The following NAA40 variants were observed in gnomAD, a reference collection of about 807,000 sequenced individuals.
The protein encoded by NAA40 is N-alpha-acetyltransferase 40.
In NAA40, 26 loss-of-function variants were observed where a neutral mutation model predicts 36.6. That is an observed-to-expected ratio of 0.71 (90% confidence interval 0.52 to 0.98). The LOEUF (loss-of-function observed/expected upper bound fraction) is 0.98. NAA40 is among the 50% of genes least tolerant of loss of function. The pLI, the probability that NAA40 is intolerant of heterozygous loss-of-function variation, is 0.00. For synonymous variants in NAA40, 129 were observed against 108.4 expected, an observed-to-expected ratio of 1.19 and a Z score of -1.18; for missense variants, 237 against 306.5, an observed-to-expected ratio of 0.77 and a Z score of 1.69.
intron 2 of NAA40, 49 bp downstream of exon 2, chr11:63,945,984 G>GT (rs1396453573): frequency 1.3e-6 from 2 of 1,552,758 alleles, no homozygotes; most frequent in African/African-American, 2.7e-5. Context: ...CTTCAGCTTG[G>GT]TTTATAATTT....
intron 5 of NAA40, 31 bp from the exon 6 acceptor site, chr11:63,952,725 G>A (rs1262615087): frequency 7.4e-6 from 12 of 1,612,592 alleles, no homozygotes; most frequent in African/African-American, 2.7e-5. Flanking sequence ...GTCCCATCCT[G>A]CACGCTCACC....
chr11:63,946,092 T>C, intron 2 of NAA40, 157 bp downstream of exon 2: 1 of 652,668 alleles, frequency 1.5e-6, no homozygotes, highest in East Asian at 2.8e-5. Flanking sequence ...CATACCTGTG[T>C]GTTGGAAGTT....
intron 2 of NAA40, 102 bp downstream of exon 2, chr11:63,946,037 C>T (rs1942180800): frequency 1.0e-6 from 1 of 964,670 alleles, no homozygotes; most frequent in South Asian, 1.4e-5. Context: ...GTGACACTAC[C>T]CACCCACACC....
intron 3 of NAA40, among the ~76,000 whole-genome samples, chr11:63,950,415 G>A (rs937020079): frequency 3.3e-4 from 50 of 151,878 alleles, no homozygotes; most frequent in African/African-American, 1.1e-3. Flanking sequence ...CACTGCGCCC[G>A]GCCTGGAAAG....
chr11:63,951,837 T>G (rs994957161), intron 3 of NAA40, among the ~76,000 whole-genome samples: 2 of 152,154 alleles, frequency 1.3e-5, no homozygotes, highest in Non-Finnish European at 2.9e-5. Flanking sequence ...GCTCAGAAAT[T>G]ACAGCAACAG....
intron 6 of NAA40, among the ~76,000 whole-genome samples, chr11:63,953,064 T>TTG (rs386373981): frequency 1.1e-4 from 16 of 150,942 alleles, no homozygotes; most frequent in African/African-American, 3.4e-4. Context: ...TTTTTTTTTT[T>TTG]TGAGACAGAG....
rs574578979 is a variant in NAA40, at chr11:63,954,783, G to A, written c.*304G>A. On this transcript the variant is annotated 3_prime_UTR_variant, in exon 8 of 8. Coordinates refer to ENST00000377793, the MANE Select transcript of NAA40 (RefSeq NM_024771.4). ...CCTGGGGCCTGCAGTGGAGGTTCTC[G>A]CACCTCTGCAGCCCCTAGATTCCTG... 2.0e-5 allele frequency: 5 copies of A among 251,012 alleles called. No individual in the cohort carries two copies. The highest frequency in any genetic ancestry group is 1.5e-4 in the East Asian group (2 of 12,916). The allele number at this position is 251,012 out of a possible 1,614,324, so 15.5% of individuals were successfully genotyped here.
rs1942187543 is a variant in NAA40, at chr11:63,946,402, G to A, written c.102+467G>A. The A allele has an allele frequency of 1.7e-5, 7 of 405,106 alleles. No individual in the cohort carries two copies. The South Asian group carries it at 3.5e-4, about 20-fold the overall frequency. The allele number at this position is 405,106 out of a possible 1,614,324, so 25.1% of individuals were successfully genotyped here. ...GTAATTTTTGTAGAGACGGGGTTTGGCCTTGTTGCCCAGGATGGTCTTGAA... is the reference window on the plus strand; with the variant it reads ...GTAATTTTTGTAGAGACGGGGTTTGACCTTGTTGCCCAGGATGGTCTTGAA... On this transcript the variant is annotated intron_variant, in intron 2 of 7. Transcript: ENST00000377793.
chr11:63,939,477 A>C, intron 1 of NAA40: 1 of 1,038,060 alleles, frequency 9.6e-7, no homozygotes, highest in Non-Finnish European at 1.2e-6. Context: ...TTCACATCCG[A>C]GGTCAACCCT....
intron 2 of NAA40, chr11:63,946,373 C>T (rs937845537): frequency 1.4e-5 from 4 of 279,192 alleles, no homozygotes; most frequent in Non-Finnish European, 2.5e-5. Flanking sequence ...ACCACCACAC[C>T]CGGGTAATTT....
rs759669299 is a variant in NAA40 at position 63,952,488 on chromosome 11, G to T, written c.333G>T (p.Ala111=). 1.2e-6 allele frequency: 2 copies of T among 1,614,176 alleles called. No individual in the cohort carries two copies. The highest frequency in any genetic ancestry group is 1.7e-6 in the Non-Finnish European group (2 of 1,180,044). ...ATGACCGAGCCTGGTACCTCATCGCGTGGGAAAACAGCTCCGTCCCTGTTG... is the reference window on the plus strand; with the variant it reads ...ATGACCGAGCCTGGTACCTCATCGCTTGGGAAAACAGCTCCGTCCCTGTTG... The part of the protein sequence containing the change: ...MTDDRAWYLI[A]WENSSVPVAF... Residue 111 remains alanine, a synonymous_variant, in exon 5 of 8, where the codon GCG becomes GCT. Transcript: ENST00000377793.
intron 1 of NAA40, among the ~76,000 whole-genome samples, chr11:63,943,668 A>G (rs754060964): frequency 6.6e-6 from 1 of 152,122 alleles, no homozygotes; most frequent in Non-Finnish European, 1.5e-5. Flanking sequence ...AATTGAAACC[A>G]TAACCTAGGC....
chr11:63,946,483 G>T, intron 2 of NAA40: 2 of 1,105,662 alleles, frequency 1.8e-6, no homozygotes, highest in South Asian at 4.5e-5. Context: ...GGGATTACAG[G>T]CGTGAGCCAC....
At chr11:63,940,711 C>T (rs1346974419) in intron 1 of NAA40, among the ~76,000 whole-genome samples, 2 of 151,276 alleles carry the variant, frequency 1.3e-5, no homozygotes, top group East Asian at 1.9e-4. Flanking sequence ...TTTTTCCCGT[C>T]ACTCCACTAT....
intron 6 of NAA40, 77 bp from the exon 7 acceptor site, chr11:63,953,895 G>A: frequency 7.6e-7 from 1 of 1,311,142 alleles, no homozygotes; most frequent in African/African-American, 1.5e-5. Flanking sequence ...CCCTCAAAGT[G>A]CTGGGATTAC....
At chr11:63,941,544 C>G (rs116343101) in intron 1 of NAA40, among the ~76,000 whole-genome samples, 1,597 of 151,328 alleles carry the variant, frequency 0.011, 19 homozygotes, top group Middle Eastern at 0.041. Context: ...CTGGATGTTT[C>G]TTTTCTTTTC....
At position 63,939,017 on chromosome 11, in the gene NAA40, GCCGCTGTTGCAGCCA is replaced by G. The variant is rs1942060673; in HGVS notation, c.-75_-61del. The stretch of plus-strand genomic sequence containing the variant: ...TTGCAGGGCCGTCCGCTCTGCTGCC[GCCGCTGTTGCAGCCA>G]CCGCCGTTGCCGCCTCCCTGCCGGC... On this transcript the variant is annotated 5_prime_UTR_variant, in exon 1 of 8. Transcript: ENST00000377793. The G allele has an allele frequency of 1.5e-6, 2 of 1,366,860 alleles. No homozygotes were observed. The highest frequency in any genetic ancestry group is 2.3e-4 in the Middle Eastern group (1 of 4,404). The allele number at this position is 1,366,860 out of a possible 1,614,324, so 84.7% of individuals were successfully genotyped here.
Position 63,939,414 on chromosome 11 carries a change from T to G in NAA40, c.6+312T>G. ...CCCCCGCGGGGACCCTGGGGTTAGC[T>G]TCCCGCTCCCCCAGGGTCACTCATC... On this transcript the variant is annotated intron_variant, in intron 1 of 7. Transcript: ENST00000377793. The G allele has an allele frequency of 4.0e-5, 45 of 1,125,788 alleles. No homozygotes were observed. In the East Asian group the frequency reaches 4.6e-4, roughly 11 times the overall value. The allele number at this position is 1,125,788 out of a possible 1,614,324, so 69.7% of individuals were successfully genotyped here. A position where few individuals can be genotyped will look rare whatever the true frequency, so the allele number is the denominator to read the frequency against.
rs1245128631 is a variant in NAA40, at chr11:63,957,203, TATA to T, written c.*2725_*2727del. 60 of 87,184 alleles carry T rather than the reference TATA, an allele frequency of 6.9e-4. No individual in the cohort carries two copies. Among genetic ancestry groups the T allele is most frequent in the African/African-American group, 2.2e-3 (58 of 26,784 alleles). The allele number at this position is 87,184 out of a possible 1,614,324, so 5.4% of individuals were successfully genotyped here. A position where few individuals can be genotyped will look rare whatever the true frequency, so the allele number is the denominator to read the frequency against. On this transcript the variant is annotated 3_prime_UTR_variant, in exon 8 of 8. Coordinates refer to ENST00000377793, the MANE Select transcript of NAA40 (RefSeq NM_024771.4). ...AGATAAACTCCTTGATATATATATA[TATA>T]TATATATTTTTTTTTTTCTTTAGCA...
Sources: allele counts gnomAD v4.1 joint callset (sites outside exome capture counted in the v4.1 genomes callset), GRCh38; gene constraint gnomAD v4.1.1; transcripts MANE v1.5; gene names NCBI Gene and HGNC (gene_info 2026-07-23, HGNC 2026-07-21).